The following CTNS variants were observed in gnomAD, a reference collection of about 807,000 sequenced individuals.
CTNS encodes the protein cystinosin.
In CTNS, 27 loss-of-function variants were observed where a neutral mutation model predicts 43.7. The ratio of observed to expected loss-of-function variants is 0.62; its 90% CI spans 0.46 to 0.85. CTNS has a LOEUF of 0.85. Among genes scored for constraint, CTNS ranks in the 40% least tolerant of loss-of-function variants. The pLI is 0.00. For missense variants in CTNS, 457 were observed against 475.4 expected (o/e 0.96, Z 0.36); for synonymous variants, 187 against 190.6 (o/e 0.98, Z 0.16).
intron 3 of CTNS, among the ~76,000 whole-genome samples, chr17:3,645,774 C>T (rs1286831499): frequency 6.6e-6 from 1 of 150,698 alleles, no homozygotes; most frequent in Non-Finnish European, 1.5e-5. Context: ...ACAGGAGAAT[C>T]ACTTGAACCC....
rs76153698 is a variant in CTNS, at chr17:3,659,990, G to C, written c.970+15G>C. 2 of 1,596,830 alleles carry C rather than the reference G, an allele frequency of 1.3e-6. No homozygotes were observed. The highest frequency in any genetic ancestry group is 1.7e-6 in the Non-Finnish European group (2 of 1,165,294). On this transcript the variant is annotated intron_variant, in intron 11 of 11. Transcript: ENST00000046640. ...CTACAACAACGGTGAGTCAGCCAGC[G>C]GGCTGCTGGCCACCCTGCGGCTGGG... is the stretch of plus-strand genomic sequence containing the variant.
intron 3 of CTNS, among the ~76,000 whole-genome samples, chr17:3,644,338 G>A (rs2150899017): frequency 6.6e-6 from 1 of 152,346 alleles, no homozygotes; most frequent in East Asian, 1.9e-4. Flanking sequence ...GGATGGAACT[G>A]CGTGACTTTG....
At chr17:3,641,359 C>CCTATATATATATATATATAT (rs2075687424) in intron 3 of CTNS, among the ~76,000 whole-genome samples, 1 of 21,118 alleles carries the variant, frequency 4.7e-5, no homozygotes, top group East Asian at 8.4e-4. Context: ...AAATCAGATA[C>CCTATATATATATATATATAT]ATATATATAT....
intron 3 of CTNS, among the ~76,000 whole-genome samples, chr17:3,644,039 T>C (rs1010339385): frequency 2.0e-5 from 3 of 152,192 alleles, no homozygotes; most frequent in African/African-American, 7.2e-5. Flanking sequence ...ACTCATTTTG[T>C]AAATCTGATA....
Position 3,660,595 on chromosome 17 carries a change from ACCG to A in CTNS, c.*229_*231del, listed in dbSNP as rs746630817. 1 of 1,613,154 alleles carries A rather than the reference ACCG, an allele frequency of 6.2e-7. No homozygotes were observed. On this transcript the variant is annotated 3_prime_UTR_variant, in exon 12 of 12. Transcript: ENST00000046640. ...AGGCACGTGGCACCGTCGCCTTGAC[ACCG>A]CCATCTCTTTTCTTTAAGGCTTCAG...
In CTNS at chr17:3,656,837, A is replaced by G. The variant is rs762304420; in HGVS notation, c.681+42A>G. The G allele has an allele frequency of 7.5e-6, 12 of 1,610,436 alleles. No homozygotes were observed. In the East Asian group the frequency reaches 1.1e-4, roughly 15 times the overall value. On this transcript the variant is annotated intron_variant, in intron 9 of 11. Transcript: ENST00000046640. ...CCCCCCACAGGCCACCCCAGCCAAC[A>G]CCCGCCACCCCACCTCACCTTTGAC... is the stretch of plus-strand genomic sequence containing the variant.
intron 5 of CTNS, chr17:3,650,426 G>A: frequency 7.0e-7 from 1 of 1,422,496 alleles, no homozygotes; most frequent in East Asian, 2.5e-5. Context: ...AGGCTGCAGT[G>A]AGCCATGACT....
chr17:3,653,824 T>C (rs774062527), intron 5 of CTNS, among the ~76,000 whole-genome samples: 2 of 151,116 alleles, frequency 1.3e-5, no homozygotes, highest in Admixed American at 6.6e-5. Context: ...TGCAGTGAGC[T>C]GAGATCGCGC....
chr17:3,647,619 G>A (rs370296958), intron 4 of CTNS, 97 bp downstream of exon 4: 13 of 1,059,722 alleles, frequency 1.2e-5, no homozygotes, highest in African/African-American at 3.1e-5. Context: ...TTTCAGATGC[G>A]CTATTCTTGC....
intron 5 of CTNS, among the ~76,000 whole-genome samples, chr17:3,651,974 A>AAAAAAAC (rs2075995973): frequency 2.5e-4 from 1 of 3,992 alleles, no homozygotes; most frequent in South Asian, 0.056. Flanking sequence ...ACCCTGTCTC[A>AAAAAAAC]AAAAAAAAGA....
chr17:3,655,280 T>C lies in CTNS; in HGVS notation c.389T>C (p.Ile130Thr), dbSNP rs1244952745. 1.9e-6 allele frequency: 3 copies of C among 1,614,076 alleles called. No individual in the cohort carries two copies. The highest frequency in any genetic ancestry group is 1.3e-5 in the African/African-American group (1 of 74,934). Reference sequence around the variant, plus strand: ...GCCATTAGCATCATAAACCAGGTGATTGGCTGGATCTACTTTGTGGCCTGG... The same window carrying C: ...GCCATTAGCATCATAAACCAGGTGACTGGCTGGATCTACTTTGTGGCCTGG... ...SSAISIINQV[I>T]GWIYFVAWSI... The change falls in exon 7 of 12, where the codon ATT (isoleucine) becomes ACT (threonine). Residue 130 changes from isoleucine to threonine, a missense_variant. Physicochemically the swap from Ile to Thr is moderately conservative, Grantham distance 89 (BLOSUM62 -1). Transcript: ENST00000046640.
At chr17:3,640,585 C>T (rs903177003) in intron 3 of CTNS, among the ~76,000 whole-genome samples, 2 of 152,240 alleles carry the variant, frequency 1.3e-5, no homozygotes, top group Non-Finnish European at 2.9e-5. Context: ...AGAGCTCCAA[C>T]AACCTGGGAT....
At chr17:3,654,251 C>G (rs2076064861) in intron 5 of CTNS, among the ~76,000 whole-genome samples, 1 of 152,172 alleles carries the variant, frequency 6.6e-6, no homozygotes, top group South Asian at 2.1e-4. Flanking sequence ...TACAGATGAG[C>G]AAACTGAGAT....
chr17:3,662,135 A>AC lies in CTNS; in HGVS notation c.*1770dup, dbSNP rs2076286512. On this transcript the variant is annotated 3_prime_UTR_variant, in exon 12 of 12. Coordinates refer to ENST00000046640, the MANE Select transcript of CTNS (RefSeq NM_004937.3). Reference sequence around the variant, plus strand: ...AGACCAGCCTAGCCAACATTGCAAAACCCCATCTCTACTAAAGATACAAAA... The same window carrying AC: ...AGACCAGCCTAGCCAACATTGCAAAACCCCCATCTCTACTAAAGATACAAAA... 6.6e-6 allele frequency among the ~76,000 whole-genome samples: 1 copy of AC among 151,900 alleles called. No individual in the cohort carries two copies. Among genetic ancestry groups the AC allele is most frequent in the South Asian group, 2.1e-4 (1 of 4,822 alleles).
chr17:3,649,660 T>C (rs962775534), intron 5 of CTNS, among the ~76,000 whole-genome samples: 1 of 152,108 alleles, frequency 6.6e-6, no homozygotes, highest in Non-Finnish European at 1.5e-5. Flanking sequence ...ACACCACTGG[T>C]TGGGTGTCGT....
At chr17:3,650,825 C>T (rs1355245345) in intron 5 of CTNS, among the ~76,000 whole-genome samples, 2 of 152,172 alleles carry the variant, frequency 1.3e-5, no homozygotes, top group Admixed American at 1.3e-4. Context: ...TGTTTAGAGA[C>T]AGAGCTTCAC....
intron 2 of CTNS, among the ~76,000 whole-genome samples, chr17:3,638,022 C>A (rs1436680483): frequency 1.3e-5 from 2 of 152,204 alleles, no homozygotes; most frequent in Non-Finnish European, 2.9e-5. Flanking sequence ...AGCTGCCACA[C>A]TAGACCCCTA....
intron 5 of CTNS, 106 bp from the exon 6 acceptor site, chr17:3,654,892 G>C: frequency 1.2e-6 from 1 of 841,220 alleles, no homozygotes; most frequent in Non-Finnish European, 2.1e-6. Flanking sequence ...GTGAGGCTGC[G>C]GGTGGTGCGT....
At chr17:3,658,361 G>A (rs1169277347) in intron 10 of CTNS, among the ~76,000 whole-genome samples, 186 bp downstream of exon 10, 1 of 152,174 alleles carries the variant, frequency 6.6e-6, no homozygotes, top group Non-Finnish European at 1.5e-5. Flanking sequence ...CCCCGGGGCT[G>A]GAATCACAGG....
Sources: allele counts gnomAD v4.1 joint callset (sites outside exome capture counted in the v4.1 genomes callset), GRCh38; gene constraint gnomAD v4.1.1; transcripts MANE v1.5; gene names NCBI Gene and HGNC (gene_info 2026-07-23, HGNC 2026-07-21).